Variants in COL14A1 observed in about 807,000 individuals in gnomAD.
COL14A1 encodes the protein collagen type XIV alpha 1 chain.
A neutral mutation model predicts 230.3 loss-of-function variants in COL14A1; 136 were observed. The ratio of observed to expected loss-of-function variants is 0.59; its 90% CI spans 0.51 to 0.68. The LOEUF is 0.68. Among genes scored for constraint, COL14A1 ranks in the 30% least tolerant of loss-of-function variants. The pLI is 0.00. For missense variants in COL14A1, 1,976 were observed against 2,215.8 expected (o/e 0.89, Z 2.17); for synonymous variants, 792 against 784.1 (o/e 1.01, Z -0.17).
At chr8:120,139,332 A>G (rs530874252) in intron 1 of COL14A1, among the ~76,000 whole-genome samples, 2 of 152,276 alleles carry the variant, frequency 1.3e-5, no homozygotes, top group African/African-American at 4.8e-5. Flanking sequence ...TTTTAAGCCT[A>G]TGAATTACTC....
At chr8:120,190,635 G>T (rs1419001472) in intron 5 of COL14A1, among the ~76,000 whole-genome samples, 1 of 152,136 alleles carries the variant, frequency 6.6e-6, no homozygotes, top group Non-Finnish European at 1.5e-5. Flanking sequence ...GCTCCTCTTT[G>T]TACCTCTGGT....
chr8:120,159,349 A>G (rs1586725639), intron 3 of COL14A1, among the ~76,000 whole-genome samples: 1 of 152,212 alleles, frequency 6.6e-6, no homozygotes, highest in Admixed American at 6.5e-5. Flanking sequence ...AATGTTACCT[A>G]TGATTGTCAT....
chr8:120,305,091 G>T (rs1405505545), intron 36 of COL14A1, among the ~76,000 whole-genome samples: 1 of 151,374 alleles, frequency 6.6e-6, no homozygotes, highest in Non-Finnish European at 1.5e-5. Flanking sequence ...TGATTCTCCT[G>T]CCTCAGCCTC....
chr8:120,213,378 G>T lies in COL14A1; in HGVS notation c.1597+801G>T, dbSNP rs111312872. Among the ~76,000 whole-genome samples the T allele has an allele frequency of 4.3e-3, 659 of 152,174 alleles. 10 individuals carry two copies. Among genetic ancestry groups the T allele is most frequent in the African/African-American group, 0.015 (616 of 41,524 alleles). On this transcript the variant is annotated intron_variant, in intron 13 of 47. Coordinates refer to ENST00000297848, the MANE Select transcript of COL14A1 (RefSeq NM_021110.4). ...TGCTCACCACTCTTCTCCTAGACTC[G>T]GGAGATGAATAGCACAATTTCTACA...
At chr8:120,158,300 C>A in intron 3 of COL14A1, 54 bp downstream of exon 3, 1 of 965,562 alleles carries the variant, frequency 1.0e-6, no homozygotes, top group Non-Finnish European at 1.7e-6. Context: ...CATGCATAGG[C>A]AACTAAAAAC....
chr8:120,163,274 G>A (rs1245666043), intron 4 of COL14A1, among the ~76,000 whole-genome samples: 1 of 152,172 alleles, frequency 6.6e-6, no homozygotes, highest in Non-Finnish European at 1.5e-5. Context: ...TACTCTCTCT[G>A]CCCGAGTAAT....
chr8:120,359,003 C>G (rs1452307936), intron 45 of COL14A1, among the ~76,000 whole-genome samples: 1 of 151,344 alleles, frequency 6.6e-6, no homozygotes, highest in Non-Finnish European at 1.5e-5. Context: ...TTTGACTTTC[C>G]TGAACTTCTT....
intron 5 of COL14A1, among the ~76,000 whole-genome samples, chr8:120,177,069 A>C (rs1052386235): frequency 6.6e-6 from 1 of 152,134 alleles, no homozygotes; most frequent in Non-Finnish European, 1.5e-5. Flanking sequence ...CCTGTGCCAC[A>C]CACAGCTTAG....
chr8:120,168,441 G>A (rs966383091), intron 5 of COL14A1, among the ~76,000 whole-genome samples, 194 bp downstream of exon 5: 1 of 152,012 alleles, frequency 6.6e-6, no homozygotes, highest in African/African-American at 2.4e-5. Flanking sequence ...GACCTTTCAG[G>A]CACCTTTCTC....
chr8:120,315,633 GCC>G lies in COL14A1; in HGVS notation c.4605+48_4605+49del, dbSNP rs1233397607. ...TCTATTGCTCTCAGTCTACAACTTT[GCC>G]AAGGGGGAAAAAAAAGCTGTAGCTT... is the stretch of plus-strand genomic sequence containing the variant. On this transcript the variant is annotated intron_variant, in intron 39 of 47. Coordinates refer to ENST00000297848, the MANE Select transcript of COL14A1 (RefSeq NM_021110.4). The G allele has an allele frequency of 3.4e-6, 5 of 1,491,428 alleles. No individual in the cohort carries two copies. The Admixed American group carries it at 7.3e-5, about 22-fold the overall frequency. 92.4% of individuals were successfully genotyped at this position (1,491,428 alleles called of 1,614,324 possible).
At chr8:120,370,411 G>C (rs766448996) in intron 47 of COL14A1, 1 of 1,605,788 alleles carries the variant, frequency 6.2e-7, no homozygotes, top group Non-Finnish European at 8.5e-7. Context: ...CAGACATTTA[G>C]CTGTGGATAC....
At chr8:120,209,298 T>C (rs950227038) in intron 11 of COL14A1, among the ~76,000 whole-genome samples, 45 of 151,826 alleles carry the variant, frequency 3.0e-4, no homozygotes, top group Admixed American at 2.9e-3. Flanking sequence ...GCCCGGGAGG[T>C]AGAGGTTGCA....
At chr8:120,306,558 G>A (rs558982173) in intron 36 of COL14A1, among the ~76,000 whole-genome samples, 16 of 152,170 alleles carry the variant, frequency 1.1e-4, no homozygotes, top group Admixed American at 3.3e-4. Context: ...GTAGTATGAC[G>A]TATCAATAAA....
chr8:120,251,778 T>C (rs546039402), intron 22 of COL14A1, among the ~76,000 whole-genome samples: 13 of 152,268 alleles, frequency 8.5e-5, no homozygotes, highest in African/African-American at 3.1e-4. Context: ...TTTAGTTAAA[T>C]ATCCAAATTT....
At chr8:120,363,418 T>G (rs1343995176) in intron 45 of COL14A1, among the ~76,000 whole-genome samples, 1 of 151,684 alleles carries the variant, frequency 6.6e-6, no homozygotes, top group Non-Finnish European at 1.5e-5. Flanking sequence ...CTGGGACCTG[T>G]TGGGAGGAGG....
chr8:120,335,594 A>T (rs1822033064), intron 42 of COL14A1, among the ~76,000 whole-genome samples: 1 of 152,068 alleles, frequency 6.6e-6, no homozygotes, highest in African/African-American at 2.4e-5. Context: ...TTTCCCATGG[A>T]TGTCTGTCTA....
chr8:120,230,065 A>G (rs1289006995), intron 18 of COL14A1, among the ~76,000 whole-genome samples: 3 of 152,098 alleles, frequency 2.0e-5, no homozygotes, highest in Non-Finnish European at 4.4e-5. Flanking sequence ...GAATTTTAGT[A>G]GAGATGAGGT....
intron 15 of COL14A1, among the ~76,000 whole-genome samples, chr8:120,225,452 A>T (rs972923099): frequency 8.5e-5 from 13 of 152,184 alleles, no homozygotes; most frequent in African/African-American, 3.1e-4. Context: ...TCTGTTTTTA[A>T]AAAAATGTAT....
chr8:120,203,925 T>G (rs771615233), intron 9 of COL14A1, 55 bp downstream of exon 9: 504 of 1,514,866 alleles, frequency 3.3e-4, no homozygotes, highest in Non-Finnish European at 4.3e-4. Flanking sequence ...TGCACAAGCC[T>G]ATTGTGAATT....
Sources: gnomAD v4.1 joint callset for allele counts (sites outside exome capture counted in the v4.1 genomes callset) on GRCh38, gnomAD v4.1.1 for gene constraint, MANE v1.5 for transcripts, NCBI Gene and HGNC (gene_info 2026-07-23, HGNC 2026-07-21) for gene names.